The following CAT variants were observed in gnomAD, a reference collection of about 807,000 sequenced individuals.
CAT encodes epididymis secretory sperm binding protein.
CAT carries 43 observed loss-of-function variants against 59.0 expected under a neutral mutation model. The observed-to-expected ratio is 0.73, with a 90% CI of 0.57 to 0.94. The LOEUF (loss-of-function observed/expected upper bound fraction) is 0.94, where lower values mean the gene tolerates loss of function less well. Among genes scored for constraint, CAT ranks in the 40% least tolerant of loss-of-function variants. CAT has a pLI of 0.00. For missense variants in CAT, 664 were observed against 682.9 expected (o/e 0.97, Z 0.31); for synonymous variants, 218 against 230.9 (o/e 0.94, Z 0.51).
rs369783958 is a variant in CAT, at chr11:34,453,020, A to G, written c.481-70A>G. On this transcript the variant is annotated intron_variant, in intron 4 of 12. Coordinates refer to ENST00000241052, the MANE Select transcript of CAT (RefSeq NM_001752.4). ...AATCCATAAACCTAGTAATAGGCATATATAATGAAAGACACCATAATTCCT... is the reference window on the plus strand; with the variant it reads ...AATCCATAAACCTAGTAATAGGCATGTATAATGAAAGACACCATAATTCCT... 7.9e-5 allele frequency: 70 copies of G among 881,066 alleles called. 1 individual carries two copies. Among genetic ancestry groups the G allele is most frequent in the East Asian group, 5.5e-4 (23 of 41,486 alleles). The allele number at this position is 881,066 out of a possible 1,614,324, so 54.6% of individuals were successfully genotyped here. A position where few individuals can be genotyped will look rare whatever the true frequency, so the allele number is the denominator to read the frequency against.
At chr11:34,447,271 G>A (rs547326678) in intron 1 of CAT, among the ~76,000 whole-genome samples, 10 of 152,228 alleles carry the variant, frequency 6.6e-5, no homozygotes, top group Admixed American at 3.3e-4. Flanking sequence ...CTCTAGGGGG[G>A]ATGGCCCAGG....
At chr11:34,460,022 T>A (rs1856631003) in intron 8 of CAT, among the ~76,000 whole-genome samples, 1 of 152,198 alleles carries the variant, frequency 6.6e-6, no homozygotes, top group African/African-American at 2.4e-5. Flanking sequence ...TTGGTATCAG[T>A]GATTTGGAAC....
chr11:34,454,930 A>T (rs994398602), intron 6 of CAT, among the ~76,000 whole-genome samples: 3 of 152,154 alleles, frequency 2.0e-5, no homozygotes, highest in African/African-American at 7.2e-5. Context: ...AAGTTGGCAT[A>T]ATATTACCAG....
chr11:34,470,615 C>T, intron 11 of CAT: 1 of 350,604 alleles, frequency 2.9e-6, no homozygotes, highest in Non-Finnish European at 5.6e-6. Flanking sequence ...AAAGACAGTA[C>T]ATTCGAAGGG....
intron 9 of CAT, among the ~76,000 whole-genome samples, chr11:34,463,588 T>A (rs1291516763): frequency 2.0e-5 from 3 of 152,222 alleles, no homozygotes; most frequent in African/African-American, 7.2e-5. Flanking sequence ...CTTGCAGCAG[T>A]CAGGTCCCAT....
At chr11:34,466,475 A>T (rs1407343545) in intron 10 of CAT, among the ~76,000 whole-genome samples, 1 of 152,164 alleles carries the variant, frequency 6.6e-6, no homozygotes, top group Non-Finnish European at 1.5e-5. Flanking sequence ...TGACTGATTA[A>T]TAGGTTTGAG....
chr11:34,469,671 G>GTT lies in CAT; in HGVS notation c.1435-1276_1435-1275dup, dbSNP rs35099202. Among the ~76,000 whole-genome samples, 10 of 145,770 alleles carry GTT rather than the reference G, an allele frequency of 6.9e-5. No individual in the cohort carries two copies. In the East Asian group the frequency reaches 7.9e-4, roughly 12 times the overall value. ...GCATCCTGTGAGGTAGGTTGTGTGGGTTTTTTTTTTTTAAGATGGAGTCTT... is the reference window on the plus strand; with the variant it reads ...GCATCCTGTGAGGTAGGTTGTGTGGGTTTTTTTTTTTTTTAAGATGGAGTCTT... On this transcript the variant is annotated intron_variant, in intron 11 of 12. Transcript: ENST00000241052.
intron 1 of CAT, among the ~76,000 whole-genome samples, chr11:34,442,328 T>C (rs7120960): frequency 0.34 from 51,857 of 152,050 alleles, 9,773 homozygotes; most frequent in East Asian, 0.72. Context: ...TATGGCCGGG[T>C]GCAGTGACTC....
At chr11:34,456,908 G>T in intron 8 of CAT, 91 bp downstream of exon 8, 6 of 1,321,350 alleles carry the variant, frequency 4.5e-6, no homozygotes, top group Non-Finnish European at 6.4e-6. Flanking sequence ...TTTATGTGAG[G>T]AATTAACAAG....
intron 11 of CAT, chr11:34,470,723 C>T: frequency 1.8e-6 from 1 of 560,998 alleles, no homozygotes; most frequent in East Asian, 3.2e-5. Flanking sequence ...GGCAGAGGGA[C>T]ATAAGCTCAG....
At chr11:34,457,655 C>A (rs928937348) in intron 8 of CAT, among the ~76,000 whole-genome samples, 1 of 150,088 alleles carries the variant, frequency 6.7e-6, no homozygotes, top group Non-Finnish European at 1.5e-5. Flanking sequence ...GTATGTTTTA[C>A]ATCACTTTTT....
intron 1 of CAT, among the ~76,000 whole-genome samples, chr11:34,445,495 C>CAAAAA (rs58169234): frequency 0.013 from 485 of 36,352 alleles, 90 homozygotes; most frequent in African/African-American, 0.048. Flanking sequence ...GACTCCATCT[C>CAAAAA]AAAAAAAAAA....
In CAT at chr11:34,453,123, C is replaced by G; in HGVS notation, c.514C>G (p.Pro172Ala). 1 of 1,613,156 alleles carries G rather than the reference C, an allele frequency of 6.2e-7. No homozygotes were observed. The highest frequency in any genetic ancestry group is 8.5e-7 in the Non-Finnish European group (1 of 1,179,254). Residue 172 changes from proline to alanine, a missense_variant, in exon 5 of 13, where the codon CCT becomes GCT. Physicochemically the swap from Pro to Ala is conservative, Grantham distance 27. Transcript: ENST00000241052. Reference sequence around the variant, plus strand: ...TTTTATCCACAGCCAAAAGAGAAATCCTCAGACACATCTGAAGGATCCGGA... The same window carrying G: ...TTTTATCCACAGCCAAAAGAGAAATGCTCAGACACATCTGAAGGATCCGGA... The part of the protein sequence containing the change: ...PSFIHSQKRN[P>A]QTHLKDPDMV...
At chr11:34,452,290 G>A (rs1388305620) in intron 4 of CAT, 83 bp downstream of exon 4, 55 of 1,323,912 alleles carry the variant, frequency 4.2e-5, no homozygotes, top group Non-Finnish European at 5.7e-5. Flanking sequence ...AGGAGAAGCC[G>A]TGGGAAAGGC....
chr11:34,444,510 A>T (rs1338616524), intron 1 of CAT, among the ~76,000 whole-genome samples: 1 of 152,182 alleles, frequency 6.6e-6, no homozygotes, highest in African/African-American at 2.4e-5. Context: ...ACGTGGGTGT[A>T]TACGTTGTAG....
rs1022835131 is a variant in CAT at position 34,461,150 on chromosome 11, C to A, written c.1057-101C>A. The A allele has an allele frequency of 1.2e-5, 15 of 1,286,310 alleles. No individual in the cohort carries two copies. The South Asian group carries it at 1.7e-4, about 14-fold the overall frequency. 79.7% of individuals were successfully genotyped at this position (1,286,310 alleles called of 1,614,324 possible). A position where few individuals can be genotyped will look rare whatever the true frequency, so the allele number is the denominator to read the frequency against. On this transcript the variant is annotated intron_variant, in intron 8 of 12. Coordinates refer to ENST00000241052, the MANE Select transcript of CAT (RefSeq NM_001752.4). ...GGCAGAATTTTGTGGTAACCATGTA[C>A]AGAGTGCTTTGTACTTCAAATTTCA...
In CAT at chr11:34,468,285, C is replaced by T. The variant is rs767693039; in HGVS notation, c.1327-3C>T. On this transcript the variant is annotated splice_region_variant and splice_polypyrimidine_tract_variant and intron_variant, in intron 10 of 12. Coordinates refer to ENST00000241052, the MANE Select transcript of CAT (RefSeq NM_001752.4). ...CTCTGCACTTGCTCTTTTCTCTGAG[C>T]AGGTGCGGGCATTCTATGTGAACGT... The T allele has an allele frequency of 6.2e-7, 1 of 1,609,802 alleles. No homozygotes were observed. Among genetic ancestry groups the T allele is most frequent in the Non-Finnish European group, 8.5e-7 (1 of 1,176,188 alleles).
chr11:34,450,332 C>G (rs1170610654), intron 2 of CAT, among the ~76,000 whole-genome samples: 2 of 152,048 alleles, frequency 1.3e-5, no homozygotes, highest in African/African-American at 4.8e-5. Context: ...TTCCTTTTTT[C>G]CAACAATTTC....
chr11:34,445,518 A>G (rs1856441562), intron 1 of CAT, among the ~76,000 whole-genome samples: 1 of 150,740 alleles, frequency 6.6e-6, no homozygotes, highest in East Asian at 1.9e-4. Flanking sequence ...AAAAAAAAAA[A>G]AAAAGAAAAA....
Sources: allele counts gnomAD v4.1 joint callset (sites outside exome capture counted in the v4.1 genomes callset), GRCh38; gene constraint gnomAD v4.1.1; transcripts MANE v1.5; gene names NCBI Gene and HGNC (gene_info 2026-07-23, HGNC 2026-07-21).